The following EPB41L2 variants were observed in gnomAD, a reference collection of about 807,000 sequenced individuals.
The protein encoded by EPB41L2 is erythrocyte membrane protein band 4.1 like 2, also known as band 4.1-like protein 2.
EPB41L2 carries 43 observed loss-of-function variants against 113.0 expected under a neutral mutation model. The ratio of observed to expected loss-of-function variants is 0.38; its 90% confidence interval spans 0.30 to 0.49. EPB41L2 has a LOEUF of 0.49. Ranked by LOEUF, EPB41L2 falls within the 20% of genes least tolerant of loss-of-function variation. EPB41L2 has a pLI of 0.95. For synonymous variants in EPB41L2, 442 were observed against 436.7 expected, an observed-to-expected ratio of 1.01 and a Z score of -0.15; for missense variants, 1,147 against 1,223.4, an observed-to-expected ratio of 0.94 and a Z score of 0.93.
intron 3 of EPB41L2, among the ~76,000 whole-genome samples, chr6:130,952,549 T>C (rs911980875): frequency 2.0e-5 from 3 of 151,924 alleles, no homozygotes; most frequent in African/African-American, 7.2e-5. Flanking sequence ...GTTAAAGATC[T>C]AAAACACTGT....
At chr6:131,031,290 TAC>T (rs981121486) in intron 1 of EPB41L2, among the ~76,000 whole-genome samples, 1 of 151,866 alleles carries the variant, frequency 6.6e-6, no homozygotes, top group Non-Finnish European at 1.5e-5. Context: ...TAAGAAAATA[TAC>T]AGAGATTTTT....
At chr6:130,980,121 G>C (rs1243005361) in intron 1 of EPB41L2, among the ~76,000 whole-genome samples, 1 of 152,160 alleles carries the variant, frequency 6.6e-6, no homozygotes, top group Non-Finnish European at 1.5e-5. Context: ...GGTTAAAAGG[G>C]TCATAAGATG....
At chr6:131,052,193 T>A (rs577633420) in intron 1 of EPB41L2, among the ~76,000 whole-genome samples, 13 of 152,248 alleles carry the variant, frequency 8.5e-5, no homozygotes, top group Admixed American at 7.8e-4. Flanking sequence ...TGCCTCAGCC[T>A]CCCGAAGTGC....
rs962695293 is a variant in EPB41L2, at chr6:130,962,599, G to T, written c.-14-6100C>A. 4.6e-5 allele frequency among the ~76,000 whole-genome samples: 7 copies of T among 152,094 alleles called. 1 individual carries two copies. Among genetic ancestry groups the T allele is most frequent in the Admixed American group, 4.6e-4 (7 of 15,276 alleles). On this transcript the variant is annotated intron_variant, in intron 1 of 19. Coordinates refer to ENST00000337057, the MANE Select transcript of EPB41L2 (RefSeq NM_001431.4). ...GTTTATTTATTTTTAAAAGGATAAG[G>T]GACCTATTAGACAGAGCTATTACTA... is the stretch of plus-strand genomic sequence containing the variant.
chr6:130,940,958 A>G (rs1204635336), intron 3 of EPB41L2, among the ~76,000 whole-genome samples: 1 of 152,184 alleles, frequency 6.6e-6, no homozygotes, highest in Non-Finnish European at 1.5e-5. Context: ...AACACCTGCT[A>G]TTACTGTCTT....
intron 12 of EPB41L2, chr6:130,880,465 G>A (rs1237111021): frequency 4.6e-6 from 3 of 655,410 alleles, no homozygotes; most frequent in Non-Finnish European, 8.2e-6. Context: ...TCTTCCAGCT[G>A]CGTTTCCTCT....
chr6:130,903,295 G>A (rs753219827), intron 6 of EPB41L2, among the ~76,000 whole-genome samples: 2 of 151,646 alleles, frequency 1.3e-5, no homozygotes, highest in Non-Finnish European at 2.9e-5. Flanking sequence ...TATGCTCTAA[G>A]TAGCTCACTG....
At chr6:131,042,741 T>C (rs1335845100) in intron 1 of EPB41L2, among the ~76,000 whole-genome samples, 1 of 152,176 alleles carries the variant, frequency 6.6e-6, no homozygotes, top group Admixed American at 6.5e-5. Flanking sequence ...AAAGTTTCCA[T>C]CATTGTGCTA....
rs553971623 is a variant in EPB41L2, at chr6:130,956,260, G to A, written c.226C>T (p.Arg76Trp). 2.4e-5 allele frequency: 39 copies of A among 1,614,092 alleles called. No individual in the cohort carries two copies. The East Asian group carries it at 2.9e-4, about 12-fold the overall frequency. Residue 76 changes from arginine to tryptophan, a missense_variant, in exon 2 of 20, where the codon CGG (arginine) becomes TGG (tryptophan). Transcript: ENST00000337057. ...KETSESRGIS[R>W]FIPPWLKKQK... ...TTCTTAAGCCATGGCGGTATGAACC[G>A]AGAAATACCCCTGCTCTCCGATGTT...
chr6:130,940,588 C>T (rs11968389), intron 3 of EPB41L2, among the ~76,000 whole-genome samples: 3,877 of 151,902 alleles, frequency 0.026, 162 homozygotes, highest in African/African-American at 0.089. Flanking sequence ...GCCTCAGCCT[C>T]CCAAGTAGCT....
chr6:130,960,784 C>T (rs982129410), intron 1 of EPB41L2, among the ~76,000 whole-genome samples: 2 of 152,130 alleles, frequency 1.3e-5, no homozygotes, highest in South Asian at 4.2e-4. Flanking sequence ...TGCCTATAAC[C>T]CTGAGTTTCT....
At chr6:131,047,178 G>C (rs1795633545) in intron 1 of EPB41L2, among the ~76,000 whole-genome samples, 2 of 152,080 alleles carry the variant, frequency 1.3e-5, no homozygotes, top group Admixed American at 6.6e-5. Context: ...AAATGTAAAA[G>C]TGCTTATAGA....
chr6:131,008,351 G>C (rs1786088917), intron 1 of EPB41L2, among the ~76,000 whole-genome samples: 1 of 152,256 alleles, frequency 6.6e-6, no homozygotes, highest in Non-Finnish European at 1.5e-5. Context: ...GTTAAAAATT[G>C]AGGTTTGGGA....
chr6:130,985,321 T>A (rs1328947381), intron 1 of EPB41L2, among the ~76,000 whole-genome samples: 1 of 151,980 alleles, frequency 6.6e-6, no homozygotes, highest in African/African-American at 2.4e-5. Flanking sequence ...CACCTTCAAG[T>A]AGTAGGACCA....
intron 1 of EPB41L2, among the ~76,000 whole-genome samples, chr6:131,006,559 A>C (rs971326887): frequency 2.1e-4 from 31 of 151,146 alleles, no homozygotes; most frequent in African/African-American, 7.5e-4. Context: ...ATTTCCAGCT[A>C]CTCAGGAGGC....
chr6:130,958,649 T>C (rs73621523), intron 1 of EPB41L2, among the ~76,000 whole-genome samples: 5,773 of 152,066 alleles, frequency 0.038, 320 homozygotes, highest in African/African-American at 0.12. Flanking sequence ...TGTGGAAACA[T>C]GAGAACATTC....
intron 18 of EPB41L2, among the ~76,000 whole-genome samples, chr6:130,861,340 G>T (rs536541828): frequency 1.3e-5 from 2 of 152,224 alleles, no homozygotes; most frequent in South Asian, 4.1e-4. Flanking sequence ...CCAAAGTGCT[G>T]AGATTACAGG....
At chr6:130,855,223 G>T (rs1006885152) in intron 19 of EPB41L2, among the ~76,000 whole-genome samples, 1 of 151,858 alleles carries the variant, frequency 6.6e-6, no homozygotes. Flanking sequence ...GATGGTGGGC[G>T]CCTGTAATTC....
chr6:131,054,489 A>T (rs1042418505), intron 1 of EPB41L2, among the ~76,000 whole-genome samples: 1 of 152,048 alleles, frequency 6.6e-6, no homozygotes, highest in African/African-American at 2.4e-5. Context: ...GCAAGTCCCT[A>T]TCTTTCCCTA....
Sources: gnomAD v4.1 joint callset for allele counts (sites outside exome capture counted in the v4.1 genomes callset) on GRCh38, gnomAD v4.1.1 for gene constraint, MANE v1.5 for transcripts, NCBI Gene and HGNC (gene_info 2026-07-23, HGNC 2026-07-21) for gene names.